KIRREL3: variants seen among roughly 807,000 people sequenced by gnomAD.
KIRREL3 encodes the protein kirre like nephrin family adhesion molecule 3.
A neutral mutation model predicts 89.7 loss-of-function variants in KIRREL3; 36 were observed. The ratio of observed to expected loss-of-function variants is 0.40; its 90% CI spans 0.31 to 0.53. The LOEUF is 0.53. KIRREL3 is among the 20% of genes least tolerant of loss of function. KIRREL3 has a pLI of 0.49. For synonymous variants in KIRREL3, 445 were observed against 441.4 expected (o/e 1.01, Z -0.10); for missense variants, 864 against 1,056.6 (o/e 0.82, Z 2.53).
intron 9 of KIRREL3, 24 bp downstream of exon 9, chr11:126,446,735 C>G: frequency 6.3e-7 from 1 of 1,587,590 alleles, no homozygotes; most frequent in Non-Finnish European, 8.6e-7. Flanking sequence ...CAGAGGTGCC[C>G]CGAGGTCTGA....
Position 126,998,558 on chromosome 11 carries a change from G to C in KIRREL3, c.55+1897C>G, listed in dbSNP as rs192036060. Among the ~76,000 whole-genome samples, 59 of 152,258 alleles carry C rather than the reference G, an allele frequency of 3.9e-4. 1 individual carries two copies. Among genetic ancestry groups the C allele is most frequent in the Non-Finnish European group, 2.2e-4 (15 of 68,022 alleles). Reference sequence around the variant, plus strand: ...TATGGTTTCTTCCTAGCGCTCTCAGGACTCGGGGTAGATAAAACAGAGCAT... The same window carrying C: ...TATGGTTTCTTCCTAGCGCTCTCAGCACTCGGGGTAGATAAAACAGAGCAT... On this transcript the variant is annotated intron_variant, in intron 1 of 16. Transcript: ENST00000525144.
rs1957849392 is a variant in KIRREL3, at chr11:126,501,177, CTGCACGT to C, written c.433+20131_433+20137del. Among the ~76,000 whole-genome samples the C allele has an allele frequency of 6.6e-6, 1 of 152,246 alleles. No homozygotes were observed. The highest frequency in any genetic ancestry group is 1.5e-5 in the Non-Finnish European group (1 of 68,052). On this transcript the variant is annotated intron_variant, in intron 4 of 16. Transcript: ENST00000525144. The surrounding 1 kb of genome is among the most constrained non-coding windows in gnomAD (Gnocchi z 5.8). ...CAGCTGGTCCGTCCCACACTTTTCT[CTGCACGT>C]CTGAGGAGTCCAGGAGGACTGGCTG...
chr11:126,568,462 C>T lies in KIRREL3; in HGVS notation c.56-5550G>A, dbSNP rs755732404. 6.6e-6 allele frequency among the ~76,000 whole-genome samples: 1 copy of T among 152,188 alleles called. No individual in the cohort carries two copies. Among genetic ancestry groups the T allele is most frequent in the Non-Finnish European group, 1.5e-5 (1 of 68,038 alleles). On this transcript the variant is annotated intron_variant, in intron 1 of 16. Coordinates refer to ENST00000525144, the MANE Select transcript of KIRREL3 (RefSeq NM_032531.4). The surrounding 1 kb of genome is among the most constrained non-coding windows in gnomAD (Gnocchi z 4.6). Reference sequence around the variant, plus strand: ...TTTATCCTGACATTCATCCCTGCCACGTTGACATAGAGAGCAGGGGAGGGG... The same window carrying T: ...TTTATCCTGACATTCATCCCTGCCATGTTGACATAGAGAGCAGGGGAGGGG...
intron 1 of KIRREL3, among the ~76,000 whole-genome samples, chr11:126,857,846 A>T (rs1944581725): frequency 1.3e-5 from 2 of 151,438 alleles, no homozygotes; most frequent in Admixed American, 6.6e-5. Flanking sequence ...GGAGGACTGC[A>T]GGTGGCTGTG....
At position 126,970,885 on chromosome 11, in the gene KIRREL3, C is replaced by T. The variant is rs541521088; in HGVS notation, c.55+29570G>A. On this transcript the variant is annotated intron_variant, in intron 1 of 16. Transcript: ENST00000525144. The surrounding 1 kb of genome is among the most constrained non-coding windows in gnomAD (Gnocchi z 4.4). ...AGGCTCACCTGCTGCCAGGTATCTACGCAGCAGGAGAACCACAAACAGAAG... is the reference window on the plus strand; with the variant it reads ...AGGCTCACCTGCTGCCAGGTATCTATGCAGCAGGAGAACCACAAACAGAAG... Among the ~76,000 whole-genome samples the T allele has an allele frequency of 5.9e-5, 9 of 152,156 alleles. No homozygotes were observed. The highest frequency in any genetic ancestry group is 5.2e-4 in the Admixed American group (8 of 15,270).
Position 126,891,168 on chromosome 11 carries a change from G to C in KIRREL3, c.55+109287C>G, listed in dbSNP as rs1383690214. On this transcript the variant is annotated intron_variant, in intron 1 of 16. Transcript: ENST00000525144. This position sits in a 1 kb window ranked among gnomAD's most constrained non-coding sequence, Gnocchi z 5.1. Reference sequence around the variant, plus strand: ...GGGTTTGAAGTGTACATAAGCCACAGTGGAAACATCTGAGAAGCGTCCCAA... The same window carrying C: ...GGGTTTGAAGTGTACATAAGCCACACTGGAAACATCTGAGAAGCGTCCCAA... 6.6e-6 allele frequency among the ~76,000 whole-genome samples: 1 copy of C among 152,192 alleles called. No homozygotes were observed.
intron 7 of KIRREL3, among the ~76,000 whole-genome samples, chr11:126,451,124 TGC>T (rs1956107048): frequency 7.6e-6 from 1 of 130,992 alleles, no homozygotes; most frequent in South Asian, 2.6e-4. Flanking sequence ...TGTGTGTGTG[TGC>T]ATGTGCATGT....
At chr11:126,446,017 C>A (rs117799435) in intron 9 of KIRREL3, among the ~76,000 whole-genome samples, 3 of 151,822 alleles carry the variant, frequency 2.0e-5, no homozygotes, top group African/African-American at 4.8e-5. Context: ...GCGTGGTGGC[C>A]CATACCCATA....
At chr11:126,722,567 C>T (rs529048336) in intron 1 of KIRREL3, among the ~76,000 whole-genome samples, 3 of 152,366 alleles carry the variant, frequency 2.0e-5, no homozygotes, top group Non-Finnish European at 2.9e-5. Context: ...TATGTATTGT[C>T]TATGACTACT....
At chr11:126,707,307 C>T (rs1947569767) in intron 1 of KIRREL3, among the ~76,000 whole-genome samples, 1 of 146,246 alleles carries the variant, frequency 6.8e-6, no homozygotes, top group Admixed American at 7.0e-5. Context: ...ACATCTGACA[C>T]ATTTTATTTT....
chr11:126,648,664 GAT>G (rs1944788367), intron 1 of KIRREL3, among the ~76,000 whole-genome samples: 1 of 152,192 alleles, frequency 6.6e-6, no homozygotes, highest in African/African-American at 2.4e-5. Flanking sequence ...CTAGTGCACA[GAT>G]ATTTAAAATT....
Position 126,607,682 on chromosome 11 carries a change from A to G in KIRREL3, c.56-44770T>C, listed in dbSNP as rs140783848. ...AGCGAGGACAAAACAAAGCTTCCCT[A>G]CTGCAAGAGCTTTATCTGGGTCCCT... is the stretch of plus-strand genomic sequence containing the variant. On this transcript the variant is annotated intron_variant, in intron 1 of 16. Transcript: ENST00000525144. The surrounding 1 kb of genome is among the most constrained non-coding windows in gnomAD (Gnocchi z 6.6). 3.7e-4 allele frequency among the ~76,000 whole-genome samples: 57 copies of G among 152,272 alleles called. No individual in the cohort carries two copies. The East Asian group carries it at 8.9e-3, about 24-fold the overall frequency.
intron 12 of KIRREL3, among the ~76,000 whole-genome samples, chr11:126,436,196 C>T (rs1254745265): frequency 1.3e-5 from 2 of 152,132 alleles, no homozygotes; most frequent in South Asian, 4.1e-4. Context: ...CTTTGCCCAG[C>T]GCTGCCTTTG....
At chr11:126,787,616 T>G (rs1950521085) in intron 1 of KIRREL3, among the ~76,000 whole-genome samples, 2 of 152,236 alleles carry the variant, frequency 1.3e-5, no homozygotes, top group African/African-American at 4.8e-5. Flanking sequence ...GTTCTTTCAA[T>G]TCCTTGGTTA....
chr11:126,894,476 A>C (rs2134791092), intron 1 of KIRREL3, among the ~76,000 whole-genome samples: 1 of 130,390 alleles, frequency 7.7e-6, no homozygotes, highest in East Asian at 2.8e-4. Flanking sequence ...TGGGAGGCCA[A>C]GGTGGGCAGA....
chr11:126,543,535 G>A (rs1482837496), intron 2 of KIRREL3, among the ~76,000 whole-genome samples: 4 of 152,142 alleles, frequency 2.6e-5, no homozygotes, highest in African/African-American at 9.7e-5. Flanking sequence ...TCCCCCAACA[G>A]TAGCCGGTCA....
At chr11:126,473,245 G>GCCCCCACCCCC in intron 5 of KIRREL3, 64 bp downstream of exon 5, 2 of 420,430 alleles carry the variant, frequency 4.8e-6, no homozygotes, top group Non-Finnish European at 6.4e-6. Context: ...TGTCCACCTA[G>GCCCCCACCCCC]CCCCCTCCCC....
intron 2 of KIRREL3, among the ~76,000 whole-genome samples, chr11:126,543,122 G>A (rs1938504919): frequency 1.3e-5 from 2 of 152,082 alleles, no homozygotes; most frequent in Non-Finnish European, 2.9e-5. Context: ...TGCCTCTCCT[G>A]TCACCCCCCA....
At chr11:126,499,857 C>T (rs1197724537) in intron 4 of KIRREL3, among the ~76,000 whole-genome samples, 1 of 152,194 alleles carries the variant, frequency 6.6e-6, no homozygotes, top group Non-Finnish European at 1.5e-5. Context: ...TCGAGGGCTT[C>T]TTTTATCCTG....
Sources: allele counts gnomAD v4.1 joint callset (sites outside exome capture counted in the v4.1 genomes callset), GRCh38; gene constraint gnomAD v4.1.1; non-coding constraint Gnocchi (gnomAD v3.1); transcripts MANE v1.5; gene names NCBI Gene and HGNC (gene_info 2026-07-23, HGNC 2026-07-21).